The following ADAM22 variants were observed in gnomAD, a reference collection of about 807,000 sequenced individuals.
ADAM22 encodes ADAM metallopeptidase domain 22, also known as disintegrin and metalloproteinase domain-containing protein 22.
Under a neutral mutation model 144.6 loss-of-function variants are expected in ADAM22, and 65 were observed. The ratio of observed to expected loss-of-function variants is 0.45; its 90% CI spans 0.37 to 0.55. The LOEUF (loss-of-function observed/expected upper bound fraction) is 0.55. Ranked by LOEUF, ADAM22 falls within the 20% of genes least tolerant of loss-of-function variation. The probability of loss-of-function intolerance (pLI) is 0.00; values close to 1 mark genes in which losing one functional copy is unlikely to be tolerated. For synonymous variants in ADAM22, 391 were observed against 412.6 expected, an observed-to-expected ratio of 0.95 and a Z score of 0.63; for missense variants, 974 against 1,184.9, an observed-to-expected ratio of 0.82 and a Z score of 2.61.
intron 5 of ADAM22, among the ~76,000 whole-genome samples, chr7:88,114,274 T>C (rs181190048): frequency 6.0e-4 from 92 of 152,268 alleles, no homozygotes; most frequent in Non-Finnish European, 6.9e-4. Flanking sequence ...TTTTACTAGC[T>C]CTCCAGATGA....
intron 31 of ADAM22, among the ~76,000 whole-genome samples, chr7:88,195,250 C>T (rs1364952669): frequency 5.3e-5 from 8 of 152,152 alleles, no homozygotes; most frequent in Admixed American, 4.6e-4. Flanking sequence ...CATATTTCAT[C>T]AGCTTGATCT....
At chr7:88,094,697 A>G (rs1820792636) in intron 4 of ADAM22, among the ~76,000 whole-genome samples, 1 of 152,194 alleles carries the variant, frequency 6.6e-6, no homozygotes, top group African/African-American at 2.4e-5. Context: ...TGGGGTTAAT[A>G]GGTATTCCAC....
chr7:88,148,511 C>A (rs545071346), intron 17 of ADAM22, among the ~76,000 whole-genome samples: 1 of 152,032 alleles, frequency 6.6e-6, no homozygotes, highest in East Asian at 1.9e-4. Context: ...AAAAATGAGG[C>A]AGGGGAGAAG....
intron 4 of ADAM22, among the ~76,000 whole-genome samples, chr7:88,098,126 T>G (rs1287255160): frequency 6.6e-6 from 1 of 152,196 alleles, no homozygotes; most frequent in Non-Finnish European, 1.5e-5. Flanking sequence ...TTAATTTCTC[T>G]CGACTATTCT....
chr7:88,202,174 T>C lies in ADAM22; in HGVS notation c.*5683T>C, dbSNP rs1028487842. On this transcript the variant is annotated 3_prime_UTR_variant, in exon 32 of 32. Coordinates refer to ENST00000413139, the MANE Select transcript of ADAM22 (RefSeq NM_001324418.2). ...AAACTCTGATTCTACAACCAGTCTT[T>C]TTAAAGGGCAAAAATGACTCAACAC... 1.3e-5 allele frequency: 2 copies of C among 152,220 alleles called. No individual in the cohort carries two copies. The highest frequency in any genetic ancestry group is 4.8e-5 in the African/African-American group (2 of 41,460). 9.4% of individuals were successfully genotyped at this position (152,220 alleles called of 1,614,324 possible). A position where few individuals can be genotyped will look rare whatever the true frequency, so the allele number is the denominator to read the frequency against.
Position 88,128,637 on chromosome 7 carries a change from C to A in ADAM22, c.714C>A (p.Thr238=). 6.2e-7 allele frequency: 1 copy of A among 1,611,892 alleles called. No homozygotes were observed. Among genetic ancestry groups the A allele is most frequent in the South Asian group, 1.1e-5 (1 of 90,978 alleles). The change falls in exon 9 of 32, where the codon ACC becomes ACA. Residue 238 remains threonine, a synonymous_variant. Coordinates refer to ENST00000413139, the MANE Select transcript of ADAM22 (RefSeq NM_001324418.2). Reference sequence around the variant, plus strand: ...ATCCTCGTAATGTAGAAGAAGAAACCAAATACATTGAACTGATGATTGTGA... The same window carrying A: ...ATCCTCGTAATGTAGAAGAAGAAACAAAATACATTGAACTGATGATTGTGA... ...RRYPRNVEEE[T]KYIELMIVND...
chr7:88,140,709 GC>G (rs1265572672), intron 14 of ADAM22, among the ~76,000 whole-genome samples: 1 of 152,070 alleles, frequency 6.6e-6, no homozygotes, highest in East Asian at 1.9e-4. Flanking sequence ...GGTGGCACAT[GC>G]CTGTAGTCCC....
intron 4 of ADAM22, among the ~76,000 whole-genome samples, chr7:88,091,067 C>G (rs2129484823): frequency 6.6e-6 from 1 of 152,178 alleles, no homozygotes; most frequent in African/African-American, 2.4e-5. Context: ...AGTGAGCTAG[C>G]TTCATTGATT....
chr7:87,959,170 A>G (rs772323561), intron 2 of ADAM22, among the ~76,000 whole-genome samples: 1 of 152,136 alleles, frequency 6.6e-6, no homozygotes. Context: ...ATTAGACTCC[A>G]TGGATTTAAA....
chr7:88,043,346 G>T (rs1011212340), intron 3 of ADAM22, among the ~76,000 whole-genome samples: 1 of 151,866 alleles, frequency 6.6e-6, no homozygotes, highest in African/African-American at 2.4e-5. Flanking sequence ...TTAGCCCGGC[G>T]TGGTGGCGGG....
At chr7:88,017,301 A>T (rs1274918158) in intron 3 of ADAM22, among the ~76,000 whole-genome samples, 2 of 152,188 alleles carry the variant, frequency 1.3e-5, no homozygotes, top group Admixed American at 6.5e-5. Flanking sequence ...AGAAATGGCA[A>T]ATGTTTAAGG....
chr7:88,033,656 T>C (rs1800818265), intron 3 of ADAM22, among the ~76,000 whole-genome samples: 1 of 152,200 alleles, frequency 6.6e-6, no homozygotes, highest in African/African-American at 2.4e-5. Context: ...CCCCAGGCTT[T>C]GGGTGGGTCC....
chr7:88,018,989 C>T (rs915978863), intron 3 of ADAM22, among the ~76,000 whole-genome samples: 10 of 151,510 alleles, frequency 6.6e-5, no homozygotes, highest in Non-Finnish European at 1.0e-4. Context: ...TTTAGTATAA[C>T]GTAAGAGTAT....
intron 2 of ADAM22, among the ~76,000 whole-genome samples, chr7:87,960,375 G>GGTGTGTGTGT (rs71120011): frequency 2.0e-5 from 3 of 149,282 alleles, no homozygotes; most frequent in East Asian, 2.0e-4. Flanking sequence ...GTGGTAGTGG[G>GGTGTGTGTGT]GTGTGTGTGT....
At chr7:88,022,040 T>A (rs1797951303) in intron 3 of ADAM22, among the ~76,000 whole-genome samples, 1 of 151,740 alleles carries the variant, frequency 6.6e-6, no homozygotes, top group South Asian at 2.1e-4. Flanking sequence ...GCCTGGCTAA[T>A]TAAAAAATTT....
rs138648484 is a variant in ADAM22, at chr7:87,945,805, G to A, written c.246+10619G>A. On this transcript the variant is annotated intron_variant, in intron 2 of 31. Transcript: ENST00000413139. Reference sequence around the variant, plus strand: ...TAGGATTACAGGCGTGAACCACCACGCCCGGCTGAAGCCATTATGTCTTAG... The same window carrying A: ...TAGGATTACAGGCGTGAACCACCACACCCGGCTGAAGCCATTATGTCTTAG... Among the ~76,000 whole-genome samples the A allele has an allele frequency of 9.4e-3, 1,426 of 152,160 alleles. 22 individuals are homozygous for A. The highest frequency in any genetic ancestry group is 0.033 in the African/African-American group (1,353 of 41,526).
intron 26 of ADAM22, among the ~76,000 whole-genome samples, chr7:88,171,830 A>G (rs1189745395): frequency 6.6e-6 from 1 of 151,744 alleles, no homozygotes; most frequent in Non-Finnish European, 1.5e-5. Flanking sequence ...TAATAGTAAT[A>G]TATATAGAAA....
chr7:88,140,584 A>C (rs1834316130), intron 14 of ADAM22, among the ~76,000 whole-genome samples: 1 of 152,198 alleles, frequency 6.6e-6, no homozygotes, highest in Admixed American at 6.5e-5. Context: ...TGGCTGGCCC[A>C]GTGGCTCATG....
At chr7:88,151,073 G>A (rs1389984475) in intron 19 of ADAM22, 42 bp downstream of exon 19, 1 of 1,581,306 alleles carries the variant, frequency 6.3e-7, no homozygotes, top group Non-Finnish European at 8.7e-7. Context: ...ACATGTACCA[G>A]CATGAAAGGA....
Sources: gnomAD v4.1 joint callset for allele counts (sites outside exome capture counted in the v4.1 genomes callset) on GRCh38, gnomAD v4.1.1 for gene constraint, MANE v1.5 for transcripts, NCBI Gene and HGNC (gene_info 2026-07-23, HGNC 2026-07-21) for gene names.